The following SPATA16 variants were observed in gnomAD, a reference collection of about 807,000 sequenced individuals.
SPATA16 encodes the protein spermatogenesis associated 16.
SPATA16 carries 36 observed loss-of-function variants against 63.3 expected under a neutral mutation model. The observed-to-expected ratio is 0.57, with a 90% CI of 0.44 to 0.75. The LOEUF (loss-of-function observed/expected upper bound fraction) is 0.75. Ranked by LOEUF, SPATA16 falls within the 30% of genes least tolerant of loss-of-function variation. The probability of loss-of-function intolerance (pLI) is 0.00; values close to 1 mark genes in which losing one functional copy is unlikely to be tolerated. For missense variants in SPATA16, 646 were observed against 679.3 expected, an observed-to-expected ratio of 0.95 and a Z score of 0.54; for synonymous variants, 203 against 216.7, an observed-to-expected ratio of 0.94 and a Z score of 0.56.
At chr3:173,037,389 CA>C (rs1238617802) in intron 3 of SPATA16, among the ~76,000 whole-genome samples, 1 of 152,002 alleles carries the variant, frequency 6.6e-6, no homozygotes, top group African/African-American at 2.4e-5. Flanking sequence ...AGTCTAAAAA[CA>C]AAGCAAAATG....
chr3:172,992,834 A>G (rs1233122854), intron 4 of SPATA16, among the ~76,000 whole-genome samples: 2 of 152,130 alleles, frequency 1.3e-5, no homozygotes, highest in Non-Finnish European at 2.9e-5. Context: ...CTGAGAGACA[A>G]TGCTGTGCTC....
At chr3:172,980,616 A>G (rs1362678266) in intron 4 of SPATA16, among the ~76,000 whole-genome samples, 3 of 151,956 alleles carry the variant, frequency 2.0e-5, no homozygotes, top group African/African-American at 4.8e-5. Context: ...TGACCCACCC[A>G]CTTCTGCACT....
intron 2 of SPATA16, among the ~76,000 whole-genome samples, chr3:173,065,585 A>G (rs1369916592): frequency 6.6e-6 from 1 of 152,254 alleles, no homozygotes; most frequent in Non-Finnish European, 1.5e-5. Flanking sequence ...TGAACACAGT[A>G]TCATGGAGAG....
chr3:172,993,801 C>T (rs1734636512), intron 4 of SPATA16, among the ~76,000 whole-genome samples: 1 of 152,060 alleles, frequency 6.6e-6, no homozygotes, highest in African/African-American at 2.4e-5. Context: ...CTCTTTGTAC[C>T]ATGCTGTTCT....
At chr3:172,924,364 C>T (rs775674592) in intron 7 of SPATA16, 47 bp from the exon 8 acceptor site, 103 of 1,431,170 alleles carry the variant, frequency 7.2e-5, no homozygotes, top group Non-Finnish European at 9.5e-5. Context: ...TCCAGACTTC[C>T]ATTTCAAAAT....
intron 6 of SPATA16, among the ~76,000 whole-genome samples, chr3:172,955,825 A>G (rs1047735185): frequency 5.3e-5 from 8 of 152,124 alleles, no homozygotes; most frequent in African/African-American, 1.9e-4. Context: ...CCTAAATGGG[A>G]AGCACCTTAC....
At chr3:173,103,930 T>C (rs1737559055) in intron 2 of SPATA16, among the ~76,000 whole-genome samples, 1 of 152,236 alleles carries the variant, frequency 6.6e-6, no homozygotes, top group African/African-American at 2.4e-5. Context: ...TTAAGTCATT[T>C]ATCTGCTCCT....
intron 10 of SPATA16, among the ~76,000 whole-genome samples, chr3:172,903,835 A>G (rs1351430577): frequency 6.6e-6 from 1 of 152,222 alleles, no homozygotes; most frequent in Admixed American, 6.5e-5. Flanking sequence ...GCAAGTCGCC[A>G]GATGGGCAGC....
Position 173,019,530 on chromosome 3 carries a change from T to C in SPATA16, c.804A>G (p.Gln268=), listed in dbSNP as rs2108276433. The part of the protein sequence containing the change: ...NPAYFRNHLR[Q]ATVFRCLERY... ...TCTCCAGACATCTAAACACTGTTGC[T>C]TGACGAAGATGATTCCGGAAATAGG... The change falls in exon 4 of 11, where the codon CAA becomes CAG. Residue 268 remains glutamine, a synonymous_variant. Transcript: ENST00000351008. 1 of 1,614,086 alleles carries C rather than the reference T, an allele frequency of 6.2e-7. No individual in the cohort carries two copies. The highest frequency in any genetic ancestry group is 8.5e-7 in the Non-Finnish European group (1 of 1,179,980).
chr3:172,960,859 A>T (rs1444439549), intron 5 of SPATA16, among the ~76,000 whole-genome samples: 1 of 116,574 alleles, frequency 8.6e-6, no homozygotes, highest in African/African-American at 3.2e-5. Context: ...AGAATTATGT[A>T]ACTTACTTTC....
intron 6 of SPATA16, among the ~76,000 whole-genome samples, chr3:172,952,079 G>T (rs1022488617): frequency 6.6e-6 from 1 of 152,078 alleles, no homozygotes; most frequent in African/African-American, 2.4e-5. Context: ...TCTTTCTGTG[G>T]GCGGGTACAA....
At chr3:173,121,931 T>G (rs943494050) in intron 1 of SPATA16, among the ~76,000 whole-genome samples, 1 of 152,196 alleles carries the variant, frequency 6.6e-6, no homozygotes, top group African/African-American at 2.4e-5. Context: ...GTAGTCAAGT[T>G]GATTAAAATG....
At chr3:172,923,074 G>A (rs1172038368) in intron 8 of SPATA16, among the ~76,000 whole-genome samples, 1 of 152,216 alleles carries the variant, frequency 6.6e-6, no homozygotes, top group African/African-American at 2.4e-5. Flanking sequence ...ATGAAATAAT[G>A]CTACACGGTG....
At chr3:172,955,445 A>T (rs1408677725) in intron 6 of SPATA16, among the ~76,000 whole-genome samples, 1 of 152,192 alleles carries the variant, frequency 6.6e-6, no homozygotes, top group South Asian at 2.1e-4. Flanking sequence ...AACAAAAAAT[A>T]TGAGTTCGAA....
At position 173,094,770 on chromosome 3, in the gene SPATA16, T is replaced by C. The variant is rs146437663; in HGVS notation, c.612+22350A>G. Among the ~76,000 whole-genome samples, 1,039 of 151,180 alleles carry C rather than the reference T, an allele frequency of 6.9e-3. 5 individuals carry two copies. The highest frequency in any genetic ancestry group is 9.5e-3 in the Non-Finnish European group (646 of 67,798). ...TAATGGAGACGGAAGGACCTTCTTCTGAAAGATTGTGATGGGCAGGCCGTA... is the reference window on the plus strand; with the variant it reads ...TAATGGAGACGGAAGGACCTTCTTCCGAAAGATTGTGATGGGCAGGCCGTA... On this transcript the variant is annotated intron_variant, in intron 2 of 10. Coordinates refer to ENST00000351008, the MANE Select transcript of SPATA16 (RefSeq NM_031955.6).
rs149362678 is a variant in SPATA16, at chr3:172,983,667, TACAC to T, written c.849-6619_849-6616del. Among the ~76,000 whole-genome samples, 862 of 152,142 alleles carry T rather than the reference TACAC, an allele frequency of 5.7e-3. 10 individuals are homozygous for T. The highest frequency in any genetic ancestry group is 0.019 in the African/African-American group (785 of 41,494). On this transcript the variant is annotated intron_variant, in intron 4 of 10. Coordinates refer to ENST00000351008, the MANE Select transcript of SPATA16 (RefSeq NM_031955.6). Reference sequence around the variant, plus strand: ...AGTGTATTTTTCTTTTGACTATAAATACACACTAATATTAAAGATGATGTTCTTA... The same window carrying T: ...AGTGTATTTTTCTTTTGACTATAAATACTAATATTAAAGATGATGTTCTTA...
chr3:173,000,222 T>C (rs1295687613), intron 4 of SPATA16, among the ~76,000 whole-genome samples: 3 of 152,224 alleles, frequency 2.0e-5, no homozygotes, highest in Non-Finnish European at 4.4e-5. Context: ...GGAACAGGTC[T>C]TCACTAGACA....
intron 2 of SPATA16, among the ~76,000 whole-genome samples, chr3:173,106,408 A>G (rs1737623781): frequency 6.6e-6 from 1 of 152,216 alleles, no homozygotes; most frequent in Non-Finnish European, 1.5e-5. Flanking sequence ...TGTCTACTAT[A>G]TTTTAGCTGT....
At chr3:173,055,404 A>G (rs1560108549) in intron 2 of SPATA16, among the ~76,000 whole-genome samples, 4 of 152,222 alleles carry the variant, frequency 2.6e-5, no homozygotes, top group African/African-American at 7.2e-5. Context: ...GAATGATTAA[A>G]CAAACCAGTA....
Sources: allele counts gnomAD v4.1 joint callset (sites outside exome capture counted in the v4.1 genomes callset), GRCh38; gene constraint gnomAD v4.1.1; transcripts MANE v1.5; gene names NCBI Gene and HGNC (gene_info 2026-07-23, HGNC 2026-07-21).